Variants in PCDHA1 observed in about 807,000 individuals in gnomAD.
The protein encoded by PCDHA1 is protocadherin alpha-1.
Under a neutral mutation model 61.3 loss-of-function variants are expected in PCDHA1, and 42 were observed. That is an observed-to-expected ratio of 0.69 (90% CI 0.54 to 0.89). The LOEUF (loss-of-function observed/expected upper bound fraction) is 0.89. Among genes scored for constraint, PCDHA1 ranks in the 40% least tolerant of loss-of-function variants. The probability of loss-of-function intolerance (pLI) is 0.00; values close to 1 mark genes in which losing one functional copy is unlikely to be tolerated. For missense variants in PCDHA1, 1,256 were observed against 1,235.3 expected, an observed-to-expected ratio of 1.02 and a Z score of -0.25; for synonymous variants, 610 against 553.8, an observed-to-expected ratio of 1.10 and a Z score of -1.43.
chr5:140,933,567 A>G lies in PCDHA1; in HGVS notation c.2395-45382A>G, dbSNP rs146986632. ...AATATAAAATAAAAACCAATTAAGA[A>G]GTCTTAATAGTGGGTTTTTAGGTTG... On this transcript the variant is annotated intron_variant, in intron 1 of 3. Coordinates refer to ENST00000504120, the MANE Select transcript of PCDHA1 (RefSeq NM_018900.4). Among the ~76,000 whole-genome samples the G allele has an allele frequency of 5.4e-3, 827 of 152,184 alleles. 4 individuals are homozygous for G. Among genetic ancestry groups the G allele is most frequent in the African/African-American group, 0.019 (796 of 41,566 alleles).
intron 1 of PCDHA1, among the ~76,000 whole-genome samples, chr5:140,977,853 C>T (rs2096777992): frequency 6.6e-6 from 1 of 152,212 alleles, no homozygotes; most frequent in Admixed American, 6.5e-5. Context: ...GGCTTTGTTT[C>T]TACCAAATAT....
chr5:140,914,528 A>G (rs1333576504), intron 1 of PCDHA1, among the ~76,000 whole-genome samples: 2 of 152,114 alleles, frequency 1.3e-5, no homozygotes, highest in African/African-American at 4.8e-5. Flanking sequence ...TCATCCATTC[A>G]GCCACTTTAT....
At chr5:140,822,088 C>G (rs782227527) in intron 1 of PCDHA1, 1 of 1,614,256 alleles carries the variant, frequency 6.2e-7, no homozygotes, top group East Asian at 2.2e-5. Context: ...CAGCATCCAC[C>G]TGGAGGTGAT....
chr5:141,000,419 A>ATTTTTT (rs1563652468), intron 3 of PCDHA1, among the ~76,000 whole-genome samples: 3 of 60,996 alleles, frequency 4.9e-5, no homozygotes, highest in African/African-American at 7.6e-5. Context: ...ATATATATAT[A>ATTTTTT]TATTTTTTTT....
rs2042367518 is a variant in PCDHA1 at position 140,852,542 on chromosome 5, C to T, written c.2394+63858C>T. Reference sequence around the variant, plus strand: ...GCTCCCACCTCGGCCTCCCAAAGTGCTGGGATTAAAGCTGTGAGCCACTGT... The same window carrying T: ...GCTCCCACCTCGGCCTCCCAAAGTGTTGGGATTAAAGCTGTGAGCCACTGT... On this transcript the variant is annotated intron_variant, in intron 1 of 3. Transcript: ENST00000504120. 35 of 557,808 alleles carry T rather than the reference C, an allele frequency of 6.3e-5. 3 individuals are homozygous for T. The highest frequency in any genetic ancestry group is 8.0e-5 in the Non-Finnish European group (34 of 426,308). 34.6% of individuals were successfully genotyped at this position (557,808 alleles called of 1,614,324 possible).
At chr5:140,805,566 G>A in intron 1 of PCDHA1, 8 of 964,542 alleles carry the variant, frequency 8.3e-6, no homozygotes, top group Non-Finnish European at 9.9e-6. Context: ...GGCAAGGAAA[G>A]TTTTTAAATG....
At chr5:140,945,762 G>A (rs570176768) in intron 1 of PCDHA1, among the ~76,000 whole-genome samples, 122 of 152,196 alleles carry the variant, frequency 8.0e-4, no homozygotes, top group South Asian at 2.3e-3. Context: ...ATGGTGGTGG[G>A]ACAATTTGAT....
chr5:140,856,905 C>T, intron 1 of PCDHA1: 1 of 1,595,990 alleles, frequency 6.3e-7, no homozygotes. Context: ...TTGGTCCCAC[C>T]CACGATAAGA....
At chr5:140,929,330 G>A (rs2086062257) in intron 1 of PCDHA1, 1 of 1,535,218 alleles carries the variant, frequency 6.5e-7, no homozygotes, top group Non-Finnish European at 8.8e-7. Flanking sequence ...GCCATGGTAA[G>A]CAAATTTTAT....
At chr5:140,829,839 G>C (rs2150175882) in intron 1 of PCDHA1, 1 of 1,613,930 alleles carries the variant, frequency 6.2e-7, no homozygotes, top group Non-Finnish European at 8.5e-7. Context: ...CTGGTGCCGC[G>C]GTCACTGGGT....
At chr5:140,804,030 TA>T (rs1285942918) in intron 1 of PCDHA1, 1 of 192,144 alleles carries the variant, frequency 5.2e-6, no homozygotes, top group Non-Finnish European at 1.1e-5. Flanking sequence ...TGAGTTCACC[TA>T]ATGCTTATAA....
chr5:140,823,176 C>T (rs782525887), intron 1 of PCDHA1: 17 of 1,613,818 alleles, frequency 1.1e-5, no homozygotes, highest in Non-Finnish European at 1.4e-5. Context: ...AGGAGAACAA[C>T]CCGCCAGGCT....
At chr5:140,946,241 T>A (rs797039382) in intron 1 of PCDHA1, among the ~76,000 whole-genome samples, 5 of 152,044 alleles carry the variant, frequency 3.3e-5, no homozygotes, top group African/African-American at 1.2e-4. Context: ...ATGCTCAACA[T>A]CATGAATCAT....
intron 1 of PCDHA1, among the ~76,000 whole-genome samples, chr5:140,908,762 C>T (rs962553584): frequency 7.9e-5 from 12 of 152,104 alleles, no homozygotes; most frequent in Admixed American, 2.6e-4. Flanking sequence ...ACAGCCTGGA[C>T]GTGTTGTAGA....
At position 140,788,313 on chromosome 5, in the gene PCDHA1, G is replaced by T; in HGVS notation, c.2023G>T (p.Ala675Ser). 1 of 1,613,970 alleles carries T rather than the reference G, an allele frequency of 6.2e-7. No individual in the cohort carries two copies. The highest frequency in any genetic ancestry group is 8.5e-7 in the Non-Finnish European group (1 of 1,179,942). Residue 675 changes from alanine to serine, a missense_variant, in exon 1 of 4, where the codon GCG becomes TCG. Coordinates refer to ENST00000504120, the MANE Select transcript of PCDHA1 (RefSeq NM_018900.4). ...VLVSLVESGQ[A>S]PKASSRASVG... ...TGTATCTCTGGTGGAGAGCGGCCAG[G>T]CGCCAAAGGCGTCTTCGCGGGCGTC...
intron 1 of PCDHA1, among the ~76,000 whole-genome samples, chr5:140,837,876 G>A (rs1434787850): frequency 2.6e-5 from 4 of 151,526 alleles, no homozygotes; most frequent in African/African-American, 9.7e-5. Flanking sequence ...ACAGGGTGGA[G>A]TCTTGTTTCC....
At position 140,853,566 on chromosome 5, in the gene PCDHA1, G is replaced by A; in HGVS notation, c.2394+64882G>A. 2.0e-6 allele frequency: 2 copies of A among 981,338 alleles called. 1 individual carries two copies. The highest frequency in any genetic ancestry group is 2.5e-6 in the Non-Finnish European group (2 of 813,850). 60.8% of individuals were successfully genotyped at this position (981,338 alleles called of 1,614,324 possible). A position where few individuals can be genotyped will look rare whatever the true frequency, so the allele number is the denominator to read the frequency against. ...GTAATTACTATATAGGAAAAACTAA[G>A]TTGTCACCCAATATCTTAGACACTT... On this transcript the variant is annotated intron_variant, in intron 1 of 3. Transcript: ENST00000504120.
intron 1 of PCDHA1, chr5:140,875,919 C>G: frequency 2.5e-6 from 4 of 1,614,168 alleles, no homozygotes; most frequent in Non-Finnish European, 3.4e-6. Flanking sequence ...CGCCTCTGGA[C>G]TCTCATTTTC....
intron 1 of PCDHA1, among the ~76,000 whole-genome samples, chr5:140,905,180 TAA>T (rs2071657008): frequency 6.6e-6 from 1 of 152,224 alleles, no homozygotes; most frequent in Non-Finnish European, 1.5e-5. Flanking sequence ...GTTTTAGATT[TAA>T]GTCTTTGATC....
Sources: allele counts gnomAD v4.1 joint callset (sites outside exome capture counted in the v4.1 genomes callset), GRCh38; gene constraint gnomAD v4.1.1; transcripts MANE v1.5; gene names NCBI Gene and HGNC (gene_info 2026-07-23, HGNC 2026-07-21).